The following ENTREP2 variants were observed in gnomAD, a reference collection of about 807,000 sequenced individuals.
ENTREP2 encodes the protein endosomal transmembrane epsin interactor 2.
the ENTREP2 span, among the ~76,000 whole-genome samples, chr15:29,425,786 T>C: frequency 6.6e-6 from 1 of 152,068 alleles, no homozygotes; most frequent in East Asian, 1.9e-4. Context: ...CTAATAAGTA[T>C]ATATCAATAG....
At chr15:29,326,041 T>C in the ENTREP2 span, among the ~76,000 whole-genome samples, 1 of 152,116 alleles carries the variant, frequency 6.6e-6, no homozygotes, top group Non-Finnish European at 1.5e-5. Flanking sequence ...AACACTCATT[T>C]ATGAAAGAAA....
chr15:29,654,373 C>T, the ENTREP2 span, among the ~76,000 whole-genome samples: 23 of 152,188 alleles, frequency 1.5e-4, no homozygotes, highest in African/African-American at 3.4e-4. Flanking sequence ...CATGTTTGTG[C>T]GGTTGGAGAA....
the ENTREP2 span, among the ~76,000 whole-genome samples, chr15:29,148,893 T>G: frequency 6.6e-6 from 1 of 152,058 alleles, no homozygotes; most frequent in Non-Finnish European, 1.5e-5. Context: ...TTTTTTTTTT[T>G]TAAGTCTCAA....
the ENTREP2 span, among the ~76,000 whole-genome samples, chr15:29,606,379 C>T: frequency 4.0e-5 from 6 of 151,750 alleles, no homozygotes; most frequent in East Asian, 1.9e-4. Flanking sequence ...GGACTACAAG[C>T]GCGCGCCACC....
chr15:29,633,090 T>C, the ENTREP2 span, among the ~76,000 whole-genome samples: 1 of 152,218 alleles, frequency 6.6e-6, no homozygotes, highest in East Asian at 1.9e-4. Context: ...AGTAAACTTT[T>C]AGTTGGAGGA....
the ENTREP2 span, among the ~76,000 whole-genome samples, chr15:29,491,530 G>T: frequency 4.6e-5 from 7 of 152,206 alleles, no homozygotes; most frequent in African/African-American, 1.7e-4. Flanking sequence ...GAGCCCTAGG[G>T]TCCCTAGGTT....
At chr15:29,151,633 G>T in the ENTREP2 span, 5 of 922,530 alleles carry the variant, frequency 5.4e-6, no homozygotes, top group Non-Finnish European at 8.5e-6. Flanking sequence ...GCCATGGACT[G>T]TCAGGGGCCG....
At chr15:29,351,660 T>C in the ENTREP2 span, among the ~76,000 whole-genome samples, 10 of 152,328 alleles carry the variant, frequency 6.6e-5, no homozygotes, top group Admixed American at 4.6e-4. Context: ...TATTTTATTT[T>C]GAGACAGGGT....
the ENTREP2 span, among the ~76,000 whole-genome samples, chr15:29,631,371 G>A: frequency 6.6e-6 from 1 of 152,036 alleles, no homozygotes; most frequent in Non-Finnish European, 1.5e-5. Flanking sequence ...GAAGACTCAG[G>A]GTCTGTCTTC....
chr15:29,485,998 C>A, the ENTREP2 span, among the ~76,000 whole-genome samples: 2 of 152,198 alleles, frequency 1.3e-5, no homozygotes. Context: ...ATCCAGCAAT[C>A]CCACTGCTGG....
the ENTREP2 span, among the ~76,000 whole-genome samples, chr15:29,133,918 C>T: frequency 5.3e-5 from 8 of 152,198 alleles, no homozygotes; most frequent in East Asian, 1.9e-4. Context: ...TTGGGGGATA[C>T]GCTGTGCCTG....
At chr15:29,474,330 C>A in the ENTREP2 span, among the ~76,000 whole-genome samples, 1 of 152,182 alleles carries the variant, frequency 6.6e-6, no homozygotes, top group African/African-American at 2.4e-5. Flanking sequence ...CGCCCGGCGT[C>A]AGGGCACCCC....
the ENTREP2 span, among the ~76,000 whole-genome samples, chr15:29,628,186 T>C: frequency 7.9e-5 from 12 of 152,228 alleles, no homozygotes; most frequent in African/African-American, 1.7e-4. Context: ...CTAATGGGTA[T>C]GAAGTAATAT....
the ENTREP2 span, among the ~76,000 whole-genome samples, chr15:29,509,059 G>A: frequency 2.0e-5 from 3 of 152,126 alleles, no homozygotes; most frequent in Admixed American, 6.6e-5. Flanking sequence ...AAAGTCTCAG[G>A]ATACAAAATC....
the ENTREP2 span, among the ~76,000 whole-genome samples, chr15:29,159,157 G>A: frequency 6.6e-6 from 1 of 152,060 alleles, no homozygotes; most frequent in Non-Finnish European, 1.5e-5. Flanking sequence ...TCTGGAGTCT[G>A]TTCGTTCTGA....
At chr15:29,622,632 G>C in the ENTREP2 span, among the ~76,000 whole-genome samples, 1 of 152,142 alleles carries the variant, frequency 6.6e-6, no homozygotes, top group Non-Finnish European at 1.5e-5. Context: ...AGACCTGTTG[G>C]TCCTCTTTGG....
chr15:29,634,524 C>T, the ENTREP2 span, among the ~76,000 whole-genome samples: 8 of 152,324 alleles, frequency 5.3e-5, no homozygotes, highest in African/African-American at 9.6e-5. Flanking sequence ...GCCAAATGTG[C>T]AGGGATTTCT....
the ENTREP2 span, among the ~76,000 whole-genome samples, chr15:29,398,847 C>T: frequency 4.6e-5 from 7 of 152,162 alleles, no homozygotes; most frequent in African/African-American, 1.7e-4. Context: ...CTCCCTTGGG[C>T]CGTGGGTGGG....
At chr15:29,336,222 C>T in the ENTREP2 span, among the ~76,000 whole-genome samples, 15 of 151,804 alleles carry the variant, frequency 9.9e-5, no homozygotes, top group African/African-American at 3.6e-4. Context: ...TGTGAGTTCA[C>T]AGCCAATGAT....
Sources: allele counts gnomAD v4.1 joint callset (sites outside exome capture counted in the v4.1 genomes callset), GRCh38; gene constraint gnomAD v4.1.1; transcripts MANE v1.5; gene names NCBI Gene and HGNC (gene_info 2026-07-23, HGNC 2026-07-21).